CACNA2D3: variants seen among roughly 807,000 people sequenced by gnomAD.
CACNA2D3 encodes the protein calcium voltage-gated channel auxiliary subunit alpha2delta 3.
Under a neutral mutation model 160.6 loss-of-function variants are expected in CACNA2D3, and 60 were observed. The ratio of observed to expected loss-of-function variants is 0.37; its 90% CI spans 0.30 to 0.46. CACNA2D3 has a LOEUF of 0.46. Among genes scored for constraint, CACNA2D3 ranks in the 20% least tolerant of loss-of-function variants. The pLI, the probability that CACNA2D3 is intolerant of heterozygous loss-of-function variation, is 1.00. For missense variants in CACNA2D3, 1,205 were observed against 1,365.0 expected (o/e 0.88, Z 1.85); for synonymous variants, 558 against 492.9 (o/e 1.13, Z -1.75).
intron 2 of CACNA2D3, among the ~76,000 whole-genome samples, chr3:54,261,524 C>T (rs67432171): frequency 0.26 from 40,006 of 152,078 alleles, 5,912 homozygotes; most frequent in African/African-American, 0.4. Flanking sequence ...AATCCTGAGG[C>T]CTAAACCCCT....
intron 3 of CACNA2D3, among the ~76,000 whole-genome samples, chr3:54,333,375 C>T (rs1704307289): frequency 1.3e-5 from 2 of 152,072 alleles, no homozygotes; most frequent in Non-Finnish European, 2.9e-5. Context: ...TCTGTGTCTG[C>T]ACTGCTCATT....
In CACNA2D3 at chr3:54,367,411, G is replaced by A. The variant is rs116035712; in HGVS notation, c.322-19304G>A. On this transcript the variant is annotated intron_variant, in intron 3 of 37. Coordinates refer to ENST00000474759, the MANE Select transcript of CACNA2D3 (RefSeq NM_018398.3). ...TGTCTTGTTTCAGATGCCCTCCACC[G>A]TATGGGATGAGAGAAGAAAGCCGGC... Among the ~76,000 whole-genome samples, 932 of 152,264 alleles carry A rather than the reference G, an allele frequency of 6.1e-3. 11 individuals carry two copies. The highest frequency in any genetic ancestry group is 0.021 in the African/African-American group (859 of 41,532).
At chr3:54,124,071 A>C (rs1309019558) in intron 2 of CACNA2D3, among the ~76,000 whole-genome samples, 5 of 152,180 alleles carry the variant, frequency 3.3e-5, no homozygotes, top group African/African-American at 1.2e-4. Flanking sequence ...TTATTCCCCA[A>C]TCATCTAGAC....
chr3:54,824,013 C>T (rs547330118), intron 14 of CACNA2D3, among the ~76,000 whole-genome samples: 2 of 152,194 alleles, frequency 1.3e-5, no homozygotes, highest in East Asian at 3.9e-4. Context: ...TCTGCTAAGC[C>T]CAACTCTCCC....
chr3:54,724,330 C>T (rs1374764778), intron 11 of CACNA2D3, among the ~76,000 whole-genome samples: 2 of 152,142 alleles, frequency 1.3e-5, no homozygotes, highest in Non-Finnish European at 2.9e-5. Flanking sequence ...GAGACTTTAA[C>T]ACTCCACTGT....
chr3:54,804,118 C>A (rs1486356830), intron 13 of CACNA2D3, among the ~76,000 whole-genome samples: 3 of 151,920 alleles, frequency 2.0e-5, no homozygotes, highest in Non-Finnish European at 4.4e-5. Flanking sequence ...AATGTAAAGA[C>A]CATCGAGACT....
At chr3:54,721,790 AG>A (rs1644513342) in intron 11 of CACNA2D3, among the ~76,000 whole-genome samples, 1 of 151,764 alleles carries the variant, frequency 6.6e-6, no homozygotes, top group African/African-American at 2.4e-5. Context: ...GAAAAGAAAA[AG>A]ATGGGCTTCC....
At chr3:54,125,219 G>GT (rs971846073) in intron 2 of CACNA2D3, among the ~76,000 whole-genome samples, 2 of 145,838 alleles carry the variant, frequency 1.4e-5, no homozygotes, top group African/African-American at 2.6e-5. Context: ...CATTAAATAT[G>GT]TTTTTTTCTT....
intron 2 of CACNA2D3, among the ~76,000 whole-genome samples, chr3:54,315,764 A>G (rs1336054281): frequency 6.6e-6 from 1 of 152,006 alleles, no homozygotes. Context: ...AGCTTCTGGC[A>G]CCATCCTGGG....
chr3:54,601,614 T>C (rs897660039), intron 9 of CACNA2D3, among the ~76,000 whole-genome samples: 3 of 152,100 alleles, frequency 2.0e-5, no homozygotes, highest in Admixed American at 2.0e-4. Context: ...AGGGAATCAG[T>C]CTGTTGCAGT....
At chr3:54,473,401 TAAACAGA>T (rs1700772333) in intron 4 of CACNA2D3, among the ~76,000 whole-genome samples, 1 of 152,156 alleles carries the variant, frequency 6.6e-6, no homozygotes, top group South Asian at 2.1e-4. Context: ...ATTAAAGACT[TAAACAGA>T]AAACCTAAAA....
intron 27 of CACNA2D3, among the ~76,000 whole-genome samples, chr3:54,916,185 C>T (rs1279502699): frequency 4.6e-5 from 7 of 152,282 alleles, no homozygotes; most frequent in South Asian, 4.1e-4. Flanking sequence ...TACACAAGAA[C>T]GCCTTGCACT....
rs568432682 is a variant in CACNA2D3, at chr3:54,916,130, T to C, written c.2449+16262T>C. On this transcript the variant is annotated intron_variant, in intron 27 of 37. Transcript: ENST00000474759. Reference sequence around the variant, plus strand: ...GTTATTGACCTCAGTAGCTCTCAGCTAATGTAATATCCGTTCAAGTGGCTC... The same window carrying C: ...GTTATTGACCTCAGTAGCTCTCAGCCAATGTAATATCCGTTCAAGTGGCTC... Among the ~76,000 whole-genome samples, 8 of 152,330 alleles carry C rather than the reference T, an allele frequency of 5.3e-5. No homozygotes were observed. In the South Asian group the frequency reaches 1.7e-3, roughly 32 times the overall value.
chr3:54,567,780 T>C (rs1323362228), intron 6 of CACNA2D3, among the ~76,000 whole-genome samples: 1 of 152,218 alleles, frequency 6.6e-6, no homozygotes, highest in East Asian at 1.9e-4. Flanking sequence ...ATGATCCACC[T>C]TGGCCTCCCA....
intron 17 of CACNA2D3, among the ~76,000 whole-genome samples, chr3:54,850,262 G>A (rs1367599668): frequency 6.6e-6 from 1 of 152,172 alleles, no homozygotes; most frequent in Admixed American, 6.5e-5. Flanking sequence ...TCTTCAAAGG[G>A]GCCGGGGGGC....
intron 14 of CACNA2D3, 100 bp from the exon 15 acceptor site, chr3:54,837,059 C>T (rs1698707376): frequency 1.0e-6 from 1 of 982,242 alleles, no homozygotes; most frequent in South Asian, 1.3e-5. Flanking sequence ...TCCATCTCAA[C>T]AGCCCCTGGT....
At chr3:54,360,171 C>G (rs931317044) in intron 3 of CACNA2D3, among the ~76,000 whole-genome samples, 1 of 152,126 alleles carries the variant, frequency 6.6e-6, no homozygotes, top group East Asian at 1.9e-4. Flanking sequence ...ACTGAAACTG[C>G]AGAGTTGGCC....
At chr3:54,132,288 G>A (rs60067502) in intron 2 of CACNA2D3, among the ~76,000 whole-genome samples, 12 of 152,114 alleles carry the variant, frequency 7.9e-5, no homozygotes, top group Non-Finnish European at 1.8e-4. Flanking sequence ...TACGAAATTC[G>A]CACACCAACT....
At chr3:55,050,146 T>A (rs1434792188) in intron 35 of CACNA2D3, among the ~76,000 whole-genome samples, 1 of 151,568 alleles carries the variant, frequency 6.6e-6, no homozygotes. Context: ...TCCTGTCATT[T>A]TGATGTTAGC....
Sources: allele counts gnomAD v4.1 joint callset (sites outside exome capture counted in the v4.1 genomes callset), GRCh38; gene constraint gnomAD v4.1.1; transcripts MANE v1.5; gene names NCBI Gene and HGNC (gene_info 2026-07-23, HGNC 2026-07-21).